Variants in GDF1 observed in about 807,000 individuals in gnomAD.
GDF1 encodes growth differentiation factor 1.
In GDF1, 8 loss-of-function variants were observed where a neutral mutation model predicts 7.4. The ratio of observed to expected loss-of-function variants is 1.09; its 90% CI spans 0.64 to 1.96. The LOEUF (loss-of-function observed/expected upper bound fraction) is 1.96. Among genes scored for constraint, GDF1 ranks in the 30% most tolerant of loss-of-function variants. The probability of loss-of-function intolerance (pLI) is 0.00; values close to 1 mark genes in which losing one functional copy is unlikely to be tolerated. For missense variants in GDF1, 574 were observed against 551.5 expected, an observed-to-expected ratio of 1.04 and a Z score of -0.41; for synonymous variants, 311 against 276.7, an observed-to-expected ratio of 1.12 and a Z score of -1.23.
intron 2 of GDF1, among the ~76,000 whole-genome samples, chr19:18,885,515 T>TG (rs879852886): frequency 5.1e-5 from 1 of 19,424 alleles, no homozygotes; most frequent in Non-Finnish European, 1.3e-4. Flanking sequence ...CTTCTCGTTT[T>TG]TTTTTTTTTT....
chr19:18,870,655 C>G lies in GDF1; in HGVS notation c.-312-36G>C. ...GAACCGGCGCAGGTTAGCCTGGGAGCCCCACGCGGCCGCCTGGCCCTCTTT... is the reference window on the plus strand; with the variant it reads ...GAACCGGCGCAGGTTAGCCTGGGAGGCCCACGCGGCCGCCTGGCCCTCTTT... On this transcript the variant is annotated intron_variant, in intron 6 of 7. Coordinates refer to ENST00000247005, the MANE Select transcript of GDF1 (RefSeq NM_001492.6). The surrounding 1 kb of genome is among the most constrained non-coding windows in gnomAD (Gnocchi z 5.1). 1 of 519,964 alleles carries G rather than the reference C, an allele frequency of 1.9e-6. No individual in the cohort carries two copies. The highest frequency in any genetic ancestry group is 3.5e-6 in the Non-Finnish European group (1 of 287,098). The allele number at this position is 519,964 out of a possible 1,614,324, so 32.2% of individuals were successfully genotyped here. A position where few individuals can be genotyped will look rare whatever the true frequency, so the allele number is the denominator to read the frequency against.
intron 3 of GDF1, among the ~76,000 whole-genome samples, chr19:18,883,784 C>T (rs1363871198): frequency 6.6e-6 from 1 of 151,390 alleles, no homozygotes; most frequent in Non-Finnish European, 1.5e-5. Context: ...CCTGGCTGGT[C>T]AAGGGCAGCG....
intron 2 of GDF1, among the ~76,000 whole-genome samples, chr19:18,886,113 G>A (rs1333757306): frequency 6.7e-6 from 1 of 150,010 alleles, no homozygotes; most frequent in African/African-American, 2.5e-5. Context: ...CAAATTCAAG[G>A]GCTATGCTCT....
At position 18,895,810 on chromosome 19, in the gene GDF1, C is replaced by T; in HGVS notation, c.-1074+14G>A. On this transcript the variant is annotated intron_variant, in intron 1 of 7. Transcript: ENST00000247005. This position sits in a 1 kb window ranked among gnomAD's most constrained non-coding sequence, Gnocchi z 6.4. Reference sequence around the variant, plus strand: ...GTCCGGGGTCCCCTCGTCCCGGCCCCCGGCCACACTGACCCGAAAGAGGCG... The same window carrying T: ...GTCCGGGGTCCCCTCGTCCCGGCCCTCGGCCACACTGACCCGAAAGAGGCG... The T allele has an allele frequency of 8.1e-7, 1 of 1,239,396 alleles. No individual in the cohort carries two copies. Among genetic ancestry groups the T allele is most frequent in the Non-Finnish European group, 1.0e-6 (1 of 984,578 alleles). 76.8% of individuals were successfully genotyped at this position (1,239,396 alleles called of 1,614,324 possible).
chr19:18,884,921 G>A (rs1440214963), intron 2 of GDF1, among the ~76,000 whole-genome samples: 1 of 148,180 alleles, frequency 6.7e-6, no homozygotes, highest in Non-Finnish European at 1.5e-5. Context: ...TTGCCATGTT[G>A]GACAGACTGG....
chr19:18,892,456 T>C (rs1028641934), intron 2 of GDF1, among the ~76,000 whole-genome samples: 6 of 151,636 alleles, frequency 4.0e-5, no homozygotes, highest in Non-Finnish European at 7.4e-5. Flanking sequence ...CTACTAAAAA[T>C]ACAAAAAATT....
chr19:18,874,215 T>C (rs2145997617), intron 6 of GDF1, among the ~76,000 whole-genome samples: 1 of 152,210 alleles, frequency 6.6e-6, no homozygotes, highest in African/African-American at 2.4e-5. Context: ...GTGCAGGAGA[T>C]GATGATGATG....
rs1407528794 is a variant in GDF1 at position 18,878,081 on chromosome 19, C to T, written c.-313+849G>A. 1 of 985,584 alleles carries T rather than the reference C, an allele frequency of 1.0e-6. No individual in the cohort carries two copies. Among genetic ancestry groups the T allele is most frequent in the Non-Finnish European group, 1.2e-6 (1 of 830,006 alleles). The allele number at this position is 985,584 out of a possible 1,614,324, so 61.1% of individuals were successfully genotyped here. A position where few individuals can be genotyped will look rare whatever the true frequency, so the allele number is the denominator to read the frequency against. ...TCCCGTTCCAAAAAACGTCACGGAGCTCTGAGCCACTGCTTCCCTGAAACC... is the reference window on the plus strand; with the variant it reads ...TCCCGTTCCAAAAAACGTCACGGAGTTCTGAGCCACTGCTTCCCTGAAACC... On this transcript the variant is annotated intron_variant, in intron 6 of 7. Coordinates refer to ENST00000247005, the MANE Select transcript of GDF1 (RefSeq NM_001492.6). The surrounding 1 kb of genome is among the most constrained non-coding windows in gnomAD (Gnocchi z 4.6).
At position 18,895,745 on chromosome 19, in the gene GDF1, C is replaced by T. The variant is rs2056609528; in HGVS notation, c.-1074+79G>A. 3.8e-6 allele frequency: 3 copies of T among 779,226 alleles called. No individual in the cohort carries two copies. The highest frequency in any genetic ancestry group is 5.4e-5 in the Admixed American group (1 of 18,482). The allele number at this position is 779,226 out of a possible 1,614,324, so 48.3% of individuals were successfully genotyped here. ...AGCAGCCAGCGCTGGAAGAAAGGAA[C>T]GCGCCGGCGGCCCCAGGTCCCCGGT... On this transcript the variant is annotated intron_variant, in intron 1 of 7. Transcript: ENST00000247005. The surrounding 1 kb of genome is among the most constrained non-coding windows in gnomAD (Gnocchi z 6.4).
Position 18,895,946 on chromosome 19 carries a change from C to A in GDF1, c.-1196G>T, listed in dbSNP as rs2146084556. The A allele has an allele frequency of 1.7e-6, 2 of 1,170,870 alleles. No individual in the cohort carries two copies. Among genetic ancestry groups the A allele is most frequent in the Non-Finnish European group, 2.1e-6 (2 of 946,488 alleles). The allele number at this position is 1,170,870 out of a possible 1,614,324, so 72.5% of individuals were successfully genotyped here. A position where few individuals can be genotyped will look rare whatever the true frequency, so the allele number is the denominator to read the frequency against. ...TCAGCCAGGCCGCGACGCGCCAGCC[C>A]CCAGCCGCAGTCCGTGCAGCCCCGC... On this transcript the variant is annotated 5_prime_UTR_variant, in exon 1 of 8. Transcript: ENST00000247005. This position sits in a 1 kb window ranked among gnomAD's most constrained non-coding sequence, Gnocchi z 6.4.
Position 18,868,610 on chromosome 19 carries a change from C to G in GDF1, c.1106G>C (p.Cys369Ser). ...RQYEDMVVDE[C>S]GCR is the part of the protein sequence containing the mutation. ...GCCCGCCCCGGGTTAGCGGCAGCCGCACTCGTCCACCACCATGTCCTCATA... is the reference window on the plus strand; with the variant it reads ...GCCCGCCCCGGGTTAGCGGCAGCCGGACTCGTCCACCACCATGTCCTCATA... Residue 369 changes from cysteine (C) to serine (S), a missense_variant, in exon 8 of 8, where the codon TGC becomes TCC. Transcript: ENST00000247005. 1.9e-6 allele frequency: 3 copies of G among 1,561,800 alleles called. No individual in the cohort carries two copies. The highest frequency in any genetic ancestry group is 2.6e-6 in the Non-Finnish European group (3 of 1,153,124).
chr19:18,895,064 G>A lies in GDF1; in HGVS notation c.-1074+760C>T, dbSNP rs1768728712. ...AGGGGCGATGGTCTCCGCAGAAACT[G>A]GGGAATTCTGCTGTCGCCTCTTGGA... On this transcript the variant is annotated intron_variant, in intron 1 of 7. Coordinates refer to ENST00000247005, the MANE Select transcript of GDF1 (RefSeq NM_001492.6). The surrounding 1 kb of genome is among the most constrained non-coding windows in gnomAD (Gnocchi z 6.4). 6.6e-6 allele frequency among the ~76,000 whole-genome samples: 1 copy of A among 152,234 alleles called. No individual in the cohort carries two copies. Among genetic ancestry groups the A allele is most frequent in the African/African-American group, 2.4e-5 (1 of 41,470 alleles).
At chr19:18,879,071 A>T in intron 5 of GDF1, 32 bp from the exon 6 acceptor site, 1 of 1,609,124 alleles carries the variant, frequency 6.2e-7, no homozygotes, top group Non-Finnish European at 8.5e-7. Context: ...GCCAGTGAGA[A>T]GAAAGCCCCC....
In GDF1 at chr19:18,895,916, C is replaced by G; in HGVS notation, c.-1166G>C. 1.6e-6 allele frequency: 2 copies of G among 1,237,152 alleles called. No homozygotes were observed. Among genetic ancestry groups the G allele is most frequent in the South Asian group, 4.6e-5 (2 of 43,134 alleles). The allele number at this position is 1,237,152 out of a possible 1,614,324, so 76.6% of individuals were successfully genotyped here. A position where few individuals can be genotyped will look rare whatever the true frequency, so the allele number is the denominator to read the frequency against. On this transcript the variant is annotated 5_prime_UTR_variant, in exon 1 of 8. Transcript: ENST00000247005. The surrounding 1 kb of genome is among the most constrained non-coding windows in gnomAD (Gnocchi z 6.4). ...AGCAGCTCGGGCGGCGCCAGGTGCG[C>G]GTGCTCAGCCAGGCCGCGACGCGCC... is the stretch of plus-strand genomic sequence containing the variant.
At chr19:18,879,472 C>A in intron 4 of GDF1, 84 bp from the exon 5 acceptor site, 1 of 1,470,202 alleles carries the variant, frequency 6.8e-7, no homozygotes, top group South Asian at 1.3e-5. Context: ...CTAGACCCAC[C>A]CTTGCCCCCT....
intron 2 of GDF1, among the ~76,000 whole-genome samples, chr19:18,890,662 T>G (rs2056466958): frequency 6.6e-6 from 1 of 150,676 alleles, no homozygotes. Flanking sequence ...ACACCTGTGG[T>G]CCCAGCTACT....
intron 2 of GDF1, among the ~76,000 whole-genome samples, chr19:18,889,752 AT>A (rs2056447830): frequency 6.6e-6 from 1 of 151,826 alleles, no homozygotes. Context: ...TCATACTCAT[AT>A]CCCACCTGCT....
intron 2 of GDF1, 119 bp downstream of exon 2, chr19:18,893,297 C>T: frequency 8.5e-7 from 1 of 1,181,394 alleles, no homozygotes; most frequent in African/African-American, 1.5e-5. Context: ...TCCCCTTGGC[C>T]TCCAACTCCT....
In GDF1 at chr19:18,872,692, T is replaced by A. The variant is rs1260641223; in HGVS notation, c.-312-2073A>T. On this transcript the variant is annotated intron_variant, in intron 6 of 7. Coordinates refer to ENST00000247005, the MANE Select transcript of GDF1 (RefSeq NM_001492.6). ...CACCACGCCCAGATAATTTTTGTAT[T>A]TTTAGTAGAGATGCGGTTTTACCAT... Among the ~76,000 whole-genome samples, 692 of 147,350 alleles carry A rather than the reference T, an allele frequency of 4.7e-3. 11 individuals are homozygous for A. The highest frequency in any genetic ancestry group is 0.017 in the African/African-American group (674 of 39,900).
Sources: gnomAD v4.1 joint callset for allele counts (sites outside exome capture counted in the v4.1 genomes callset) on GRCh38, gnomAD v4.1.1 for gene constraint, Gnocchi (gnomAD v3.1) non-coding constraint, MANE v1.5 for transcripts, NCBI Gene and HGNC (gene_info 2026-07-23, HGNC 2026-07-21) for gene names.